The following BMPR2 variants were observed in gnomAD, a reference collection of about 807,000 sequenced individuals.
BMPR2 encodes bone morphogenetic protein receptor type 2.
BMPR2 carries 29 observed loss-of-function variants against 100.8 expected under a neutral mutation model. The ratio of observed to expected loss-of-function variants is 0.29; its 90% CI spans 0.21 to 0.39. The LOEUF is 0.39. BMPR2 is among the 10% of genes least tolerant of loss of function. The probability of loss-of-function intolerance (pLI) is 1.00; values close to 1 mark genes in which losing one functional copy is unlikely to be tolerated. For missense variants in BMPR2, 1,011 were observed against 1,274.5 expected (o/e 0.79, Z 3.15); for synonymous variants, 382 against 442.3 (o/e 0.86, Z 1.71).
intron 7 of BMPR2, among the ~76,000 whole-genome samples, chr2:202,528,987 G>A (rs998860916): frequency 2.6e-5 from 4 of 152,126 alleles, no homozygotes; most frequent in East Asian, 3.8e-4. Context: ...TGTTGCTTCC[G>A]AATAAGGAAG....
intron 1 of BMPR2, among the ~76,000 whole-genome samples, chr2:202,410,670 CCCGGGTT>C: frequency 6.6e-6 from 1 of 152,110 alleles, no homozygotes; most frequent in Non-Finnish European, 1.5e-5. Flanking sequence ...AGTTCCACCT[CCCGGGTT>C]CACAACATTC....
intron 1 of BMPR2, among the ~76,000 whole-genome samples, chr2:202,399,623 G>A (rs950794100): frequency 3.9e-5 from 6 of 152,176 alleles, no homozygotes; most frequent in South Asian, 2.1e-4. Context: ...CTGGTTTATC[G>A]GTAGAGAAGA....
intron 7 of BMPR2, among the ~76,000 whole-genome samples, chr2:202,526,816 T>C (rs1226497522): frequency 6.6e-6 from 1 of 152,244 alleles, no homozygotes; most frequent in Non-Finnish European, 1.5e-5. Context: ...TTTTAAAAAC[T>C]AAGTACATAG....
intron 1 of BMPR2, among the ~76,000 whole-genome samples, chr2:202,399,120 C>T (rs1678755081): frequency 6.6e-6 from 1 of 151,344 alleles, no homozygotes; most frequent in South Asian, 2.1e-4. Context: ...AAGAGTGAAA[C>T]TGTCTCAAGA....
At chr2:202,510,572 A>T (rs1287061479) in intron 3 of BMPR2, among the ~76,000 whole-genome samples, 1 of 152,218 alleles carries the variant, frequency 6.6e-6, no homozygotes, top group East Asian at 1.9e-4. Flanking sequence ...ATAGTCATGA[A>T]TCTATAAATT....
At chr2:202,428,987 G>A (rs1691447556) in intron 1 of BMPR2, among the ~76,000 whole-genome samples, 1 of 152,182 alleles carries the variant, frequency 6.6e-6, no homozygotes, top group Non-Finnish European at 1.5e-5. Context: ...ACAGAGTAAA[G>A]CAAAAGCAAG....
chr2:202,417,459 T>C (rs1340424488), intron 1 of BMPR2, among the ~76,000 whole-genome samples: 4 of 151,500 alleles, frequency 2.6e-5, no homozygotes, highest in East Asian at 2.0e-4. Flanking sequence ...TGCGCCACCA[T>C]GCCCGTCTAA....
intron 7 of BMPR2, among the ~76,000 whole-genome samples, chr2:202,530,464 T>G (rs916128728): frequency 2.0e-5 from 3 of 152,252 alleles, no homozygotes; most frequent in Non-Finnish European, 2.9e-5. Flanking sequence ...TTTTTTTTTT[T>G]GATGTTTATA....
At chr2:202,534,675 C>G (rs534925607) in intron 9 of BMPR2, among the ~76,000 whole-genome samples, 1 of 152,202 alleles carries the variant, frequency 6.6e-6, no homozygotes, top group Non-Finnish European at 1.5e-5. Flanking sequence ...TACACAGACA[C>G]GGCAACCATC....
chr2:202,410,097 G>C (rs555044163), intron 1 of BMPR2, among the ~76,000 whole-genome samples: 3 of 152,002 alleles, frequency 2.0e-5, no homozygotes, highest in African/African-American at 4.8e-5. Context: ...TGATTCTCCT[G>C]CCTCAGCCTC....
Position 202,537,561 on chromosome 2 carries a change from G to A in BMPR2, c.1277-4750G>A, listed in dbSNP as rs533231696. Among the ~76,000 whole-genome samples, 6 of 152,204 alleles carry A rather than the reference G, an allele frequency of 3.9e-5. No homozygotes were observed. In the East Asian group the frequency reaches 5.8e-4, roughly 15 times the overall value. ...TTTAATGGGTACAGAGTTTCAGTTT[G>A]GGAAGATAGAAACAGTTCTAGAAAT... On this transcript the variant is annotated intron_variant, in intron 9 of 12. Coordinates refer to ENST00000374580, the MANE Select transcript of BMPR2 (RefSeq NM_001204.7).
chr2:202,404,954 G>A (rs1294906853), intron 1 of BMPR2, among the ~76,000 whole-genome samples: 1 of 152,054 alleles, frequency 6.6e-6, no homozygotes, highest in Admixed American at 6.6e-5. Context: ...CTCCCAAGTT[G>A]CTGGGAGTAC....
intron 9 of BMPR2, among the ~76,000 whole-genome samples, chr2:202,536,655 C>A (rs1688164619): frequency 6.6e-6 from 1 of 151,886 alleles, no homozygotes; most frequent in East Asian, 2.0e-4. Flanking sequence ...AGTGTATCAC[C>A]TGAGGTCGGG....
chr2:202,555,926 G>C lies in BMPR2; in HGVS notation c.2261G>C (p.Arg754Thr). Residue 754 changes from arginine (R) to threonine (T), a missense_variant, in exon 12 of 13, where the codon AGA becomes ACA. Around this residue, in one of 6 missense-constraint regions of BMPR2, gnomAD observed 508 missense variants for 552.0 expected, o/e 0.92. Coordinates refer to ENST00000374580, the MANE Select transcript of BMPR2 (RefSeq NM_001204.7). ...PLPKQQNLPKRPTSLPLNTKN... is the reference protein window; with the variant it reads ...PLPKQQNLPKTPTSLPLNTKN... ...CCCAAGCAGCAGAACCTTCCCAAGA[G>C]ACCTACTAGTTTGCCTTTGAACACC... 6.2e-7 allele frequency: 1 copy of C among 1,614,128 alleles called. No homozygotes were observed.
intron 3 of BMPR2, among the ~76,000 whole-genome samples, chr2:202,511,520 C>T (rs1305461571): frequency 2.6e-5 from 4 of 152,124 alleles, no homozygotes; most frequent in Admixed American, 2.0e-4. Context: ...CATTTCATAT[C>T]CCACTTGCAA....
In BMPR2 at chr2:202,417,600, G is replaced by A. The variant is rs555445828; in HGVS notation, c.76+40050G>A. Among the ~76,000 whole-genome samples the A allele has an allele frequency of 2.6e-5, 4 of 152,222 alleles. No homozygotes were observed. In the East Asian group the frequency reaches 7.7e-4, roughly 29 times the overall value. ...TTACAGACATGAGCCACTGCGCCCA[G>A]CCTTCCATGAAGTATTTTTAAATTA... On this transcript the variant is annotated intron_variant, in intron 1 of 12. Transcript: ENST00000374580.
At chr2:202,541,565 C>T in intron 9 of BMPR2, among the ~76,000 whole-genome samples, 1 of 152,124 alleles carries the variant, frequency 6.6e-6, no homozygotes, top group East Asian at 1.9e-4. Context: ...ACTGTTCAAC[C>T]CACCCACTTA....
intron 1 of BMPR2, among the ~76,000 whole-genome samples, chr2:202,402,950 T>C (rs1690796763): frequency 6.6e-6 from 1 of 151,466 alleles, no homozygotes; most frequent in Non-Finnish European, 1.5e-5. Context: ...TGCCTCAGCC[T>C]CCGGAGTAGA....
intron 1 of BMPR2, among the ~76,000 whole-genome samples, chr2:202,403,360 T>A (rs1158707741): frequency 6.6e-6 from 1 of 151,940 alleles, no homozygotes; most frequent in Non-Finnish European, 1.5e-5. Context: ...CTGCCACGCC[T>A]GGCTAATTTT....
Sources: allele counts gnomAD v4.1 joint callset (sites outside exome capture counted in the v4.1 genomes callset), GRCh38; gene constraint gnomAD v4.1.1; regional missense constraint gnomAD v4.1.1; transcripts MANE v1.5; gene names NCBI Gene and HGNC (gene_info 2026-07-23, HGNC 2026-07-21).